AKAP9: variants seen among roughly 807,000 people sequenced by gnomAD.
The protein encoded by AKAP9 is A-kinase anchoring protein 9.
In AKAP9, 311 loss-of-function variants were observed where a neutral mutation model predicts 488.5. That is an observed-to-expected ratio of 0.64 (90% confidence interval 0.58 to 0.70). The LOEUF is 0.70. Ranked by LOEUF, AKAP9 falls within the 30% of genes least tolerant of loss-of-function variation. AKAP9 has a pLI of 0.00. For missense variants in AKAP9, 4,215 were observed against 4,374.5 expected, an observed-to-expected ratio of 0.96 and a Z score of 1.03; for synonymous variants, 1,462 against 1,483.5, an observed-to-expected ratio of 0.99 and a Z score of 0.33.
chr7:92,029,524 G>T (rs901091376), intron 14 of AKAP9, among the ~76,000 whole-genome samples: 7 of 152,174 alleles, frequency 4.6e-5, no homozygotes, highest in African/African-American at 9.7e-5. Context: ...GCTCATGCCT[G>T]TAATCCCAGC....
chr7:92,086,307 T>C lies in AKAP9; in HGVS notation c.9104T>C (p.Leu3035Ser), dbSNP rs1233763791. 5 of 1,614,136 alleles carry C rather than the reference T, an allele frequency of 3.1e-6. No homozygotes were observed. In the African/African-American group the frequency reaches 4.0e-5, roughly 13 times the overall value. ...CTGCTTGCCCTTCAACAAGTTTTCT[T>C]AGAAGAGCGTAGTGTTTTACTAGCA... ...ELLLALQQVFLEERSVLLAAF... is the reference protein window; with the variant it reads ...ELLLALQQVFSEERSVLLAAF... Residue 3035 changes from leucine (L) to serine (S), a missense_variant, in exon 37 of 50, where the codon TTA becomes TCA. Coordinates refer to ENST00000356239, the MANE Select transcript of AKAP9 (RefSeq NM_005751.5).
In AKAP9 at chr7:92,001,367, A is replaced by C; in HGVS notation, c.1450A>C (p.Asn484His). 1 of 1,613,808 alleles carries C rather than the reference A, an allele frequency of 6.2e-7. No individual in the cohort carries two copies. Among genetic ancestry groups the C allele is most frequent in the Non-Finnish European group, 8.5e-7 (1 of 1,179,722 alleles). ...ALRSYSNITV[N>H]EDQIKLMNVA... is the part of the protein sequence containing the mutation. ...AAGGTCATATTCAAATATTACAGTTAATGAAGATCAGATAAAGTTAATGAA... is the reference window on the plus strand; with the variant it reads ...AAGGTCATATTCAAATATTACAGTTCATGAAGATCAGATAAAGTTAATGAA... Residue 484 changes from asparagine (N) to histidine (H), a missense_variant, in exon 8 of 50, where the codon AAT becomes CAT. Physicochemically the swap from Asn to His is moderately conservative, Grantham distance 68. This residue lies in a region of AKAP9 where 2,361 missense variants were observed against 2,430.0 expected (regional missense o/e 0.97). Coordinates refer to ENST00000356239, the MANE Select transcript of AKAP9 (RefSeq NM_005751.5).
Position 92,001,553 on chromosome 7 carries a change from A to C in AKAP9, c.1636A>C (p.Arg546=). The C allele has an allele frequency of 6.2e-7, 1 of 1,613,934 alleles. No homozygotes were observed. Among genetic ancestry groups the C allele is most frequent in the African/African-American group, 1.3e-5 (1 of 75,056 alleles). The change falls in exon 8 of 50, where the codon AGA becomes CGA. Residue 546 remains arginine, a synonymous_variant. Coordinates refer to ENST00000356239, the MANE Select transcript of AKAP9 (RefSeq NM_005751.5). ...GAGCTTTTCAAGGGAACAGATTCAG[A>C]GAGCTAGACAGACAATAGCTGAACA... ...ELSFSREQIQ[R]ARQTIAEQES... is the part of the protein sequence containing the mutation.
intron 1 of AKAP9, among the ~76,000 whole-genome samples, chr7:91,954,376 C>T (rs1451452955): frequency 6.6e-6 from 1 of 152,162 alleles, no homozygotes; most frequent in African/African-American, 2.4e-5. Flanking sequence ...CCTCAACCTC[C>T]TGGGTTCAAG....
intron 20 of AKAP9, 107 bp from the exon 21 acceptor site, chr7:92,044,901 T>A: frequency 2.4e-6 from 2 of 849,232 alleles, no homozygotes; most frequent in Middle Eastern, 3.4e-4. Flanking sequence ...GGATCATCTG[T>A]TATTTTTCAA....
intron 40 of AKAP9, among the ~76,000 whole-genome samples, chr7:92,096,397 C>T (rs1816582966): frequency 6.8e-6 from 1 of 146,622 alleles, no homozygotes; most frequent in African/African-American, 2.6e-5. Flanking sequence ...GGCAGTGGTG[C>T]AATCTAGGCT....
At chr7:91,951,027 C>T (rs140845045) in intron 1 of AKAP9, among the ~76,000 whole-genome samples, 1 of 151,882 alleles carries the variant, frequency 6.6e-6, no homozygotes, top group South Asian at 2.1e-4. Context: ...CAAGAGAACT[C>T]TCACTTTTCC....
In AKAP9 at chr7:91,970,552, G is replaced by T. The variant is rs780715149; in HGVS notation, c.49-3159G>T. 3 of 451,202 alleles carry T rather than the reference G, an allele frequency of 6.6e-6. 1 individual carries two copies. The highest frequency in any genetic ancestry group is 4.8e-5 in the South Asian group (3 of 62,950). The allele number at this position is 451,202 out of a possible 1,614,324, so 27.9% of individuals were successfully genotyped here. On this transcript the variant is annotated intron_variant, in intron 1 of 49. Transcript: ENST00000356239. Reference sequence around the variant, plus strand: ...TCTCAGCTTTTGTTTGTCTGTGAAAGACTTTGTTCCTCTTCTTTGTATTTG... The same window carrying T: ...TCTCAGCTTTTGTTTGTCTGTGAAATACTTTGTTCCTCTTCTTTGTATTTG...
At chr7:92,073,949 C>A (rs1368142317) in intron 28 of AKAP9, among the ~76,000 whole-genome samples, 3 of 152,176 alleles carry the variant, frequency 2.0e-5, no homozygotes, top group African/African-American at 7.2e-5. Flanking sequence ...CCATTCAGGA[C>A]ATAGGCATGG....
At chr7:91,994,127 T>C (rs1798102979) in intron 5 of AKAP9, among the ~76,000 whole-genome samples, 1 of 152,070 alleles carries the variant, frequency 6.6e-6, no homozygotes, top group African/African-American at 2.4e-5. Context: ...AGACCCTGTC[T>C]CAAAAAAAGA....
At chr7:91,989,544 GA>G (rs1433420804) in intron 3 of AKAP9, among the ~76,000 whole-genome samples, 1 of 152,026 alleles carries the variant, frequency 6.6e-6, no homozygotes, top group African/African-American at 2.4e-5. Flanking sequence ...AAGACAAGTA[GA>G]TAAATATACT....
intron 45 of AKAP9, 61 bp from the exon 46 acceptor site, chr7:92,102,533 C>T (rs1817748618): frequency 1.4e-6 from 2 of 1,442,444 alleles, no homozygotes; most frequent in African/African-American, 1.4e-5. Context: ...GTTATTTTCC[C>T]CTAGAGAGCA....
At chr7:92,076,786 A>G in intron 28 of AKAP9, 69 bp from the exon 29 acceptor site, 1 of 932,348 alleles carries the variant, frequency 1.1e-6, no homozygotes, top group Non-Finnish European at 1.6e-6. Context: ...CTAATATAGC[A>G]CTCTTCATTT....
At chr7:92,028,137 C>G (rs1803615450) in intron 14 of AKAP9, among the ~76,000 whole-genome samples, 1 of 151,856 alleles carries the variant, frequency 6.6e-6, no homozygotes, top group South Asian at 2.1e-4. Flanking sequence ...CTCAAGTACC[C>G]AGGGACACAA....
chr7:92,081,153 C>T (rs1813478530), intron 31 of AKAP9, among the ~76,000 whole-genome samples: 1 of 151,684 alleles, frequency 6.6e-6, no homozygotes, highest in South Asian at 2.1e-4. Context: ...TCTTAATTTG[C>T]TTCTAATATG....
At chr7:92,082,150 G>A (rs529257240) in intron 31 of AKAP9, among the ~76,000 whole-genome samples, 1 of 152,130 alleles carries the variant, frequency 6.6e-6, no homozygotes, top group African/African-American at 2.4e-5. Flanking sequence ...GCCCAGACTG[G>A]CCTCAAACTC....
intron 14 of AKAP9, among the ~76,000 whole-genome samples, chr7:92,028,828 T>G (rs995761379): frequency 6.6e-6 from 1 of 152,190 alleles, no homozygotes; most frequent in Non-Finnish European, 1.5e-5. Context: ...TGTAGAAACA[T>G]CCATGGAAGT....
At chr7:92,030,559 T>G (rs1804051865) in intron 15 of AKAP9, among the ~76,000 whole-genome samples, 1 of 151,448 alleles carries the variant, frequency 6.6e-6, no homozygotes, top group South Asian at 2.1e-4. Context: ...GGAGAGTCGC[T>G]TGAACCTGGG....
intron 9 of AKAP9, 23 bp downstream of exon 9, chr7:92,012,665 A>C: frequency 4.5e-6 from 7 of 1,566,752 alleles, no homozygotes; most frequent in Non-Finnish European, 6.1e-6. Flanking sequence ...CTGACTTATA[A>C]GTACCATGAT....
Sources: gnomAD v4.1 joint callset for allele counts (sites outside exome capture counted in the v4.1 genomes callset) on GRCh38, gnomAD v4.1.1 for gene constraint, gnomAD v4.1.1 regional missense constraint, MANE v1.5 for transcripts, NCBI Gene and HGNC (gene_info 2026-07-23, HGNC 2026-07-21) for gene names.